Variants in CSMD1 observed in about 807,000 individuals in gnomAD.
CSMD1 encodes the protein CUB and sushi domain-containing protein 1.
In CSMD1, 213 loss-of-function variants were observed where a neutral mutation model predicts 417.5. The ratio of observed to expected loss-of-function variants is 0.51; its 90% CI spans 0.46 to 0.57. The LOEUF (loss-of-function observed/expected upper bound fraction) is 0.57, where lower values mean the gene tolerates loss of function less well. Ranked by LOEUF, CSMD1 falls within the 20% of genes least tolerant of loss-of-function variation. The probability of loss-of-function intolerance (pLI) is 0.00; values close to 1 mark genes in which losing one functional copy is unlikely to be tolerated. For missense variants in CSMD1, 6,923 were observed against 4,529.7 expected (o/e 1.53, Z -15.17); for synonymous variants, 2,862 against 1,736.8 (o/e 1.65, Z -16.11).
chr8:4,911,980 T>C (rs1470701269), intron 1 of CSMD1, among the ~76,000 whole-genome samples: 4 of 151,802 alleles, frequency 2.6e-5, no homozygotes, highest in Non-Finnish European at 4.4e-5. Context: ...TAATAATTTC[T>C]CCACAAGAAG....
intron 4 of CSMD1, among the ~76,000 whole-genome samples, chr8:4,030,920 G>C (rs562966594): frequency 2.0e-5 from 3 of 152,088 alleles, no homozygotes; most frequent in Admixed American, 6.5e-5. Flanking sequence ...CTAGGGCAGG[G>C]GCAAAATGCC....
chr8:4,165,003 C>A (rs572243891), intron 3 of CSMD1, among the ~76,000 whole-genome samples: 2 of 152,114 alleles, frequency 1.3e-5, no homozygotes, highest in African/African-American at 4.8e-5. Context: ...TTCCTATGTT[C>A]TTGTATGTTT....
intron 49 of CSMD1, among the ~76,000 whole-genome samples, chr8:3,053,852 A>G (rs1271694780): frequency 6.6e-6 from 1 of 152,218 alleles, no homozygotes; most frequent in Admixed American, 6.5e-5. Flanking sequence ...AACTAAATAA[A>G]GAGCCTTCTT....
chr8:4,184,534 A>C (rs959384728), intron 3 of CSMD1, among the ~76,000 whole-genome samples: 2 of 152,192 alleles, frequency 1.3e-5, no homozygotes, highest in African/African-American at 2.4e-5. Flanking sequence ...TGCAGCCATA[A>C]AAAAGGACAA....
At position 4,262,108 on chromosome 8, in the gene CSMD1, C is replaced by G. The variant is rs567249601; in HGVS notation, c.415+157845G>C. Among the ~76,000 whole-genome samples the G allele has an allele frequency of 4.1e-4, 63 of 152,258 alleles. No individual in the cohort carries two copies. In the South Asian group the frequency reaches 0.013, roughly 31 times the overall value. The stretch of plus-strand genomic sequence containing the variant: ...AAGTTAGTCACTATTACTGTTACTT[C>G]TCTTTCCTATAGAGAATTGTTAGAG... On this transcript the variant is annotated intron_variant, in intron 3 of 69. Coordinates refer to ENST00000635120, the MANE Select transcript of CSMD1 (RefSeq NM_033225.6).
chr8:4,302,865 G>C (rs1289493142), intron 3 of CSMD1, among the ~76,000 whole-genome samples: 1 of 152,056 alleles, frequency 6.6e-6, no homozygotes. Context: ...GGCAGGACCA[G>C]CAGTTTAAAT....
chr8:4,674,500 C>G (rs74522139), intron 1 of CSMD1, among the ~76,000 whole-genome samples: 1,582 of 152,214 alleles, frequency 0.01, 31 homozygotes, highest in African/African-American at 0.036. Context: ...AATGAGGGAA[C>G]AGTACGTACT....
intron 51 of CSMD1, among the ~76,000 whole-genome samples, chr8:3,022,679 TAAAA>T (rs35865350): frequency 6.6e-5 from 9 of 136,382 alleles, no homozygotes; most frequent in African/African-American, 2.1e-4. Flanking sequence ...ACATTCTAGC[TAAAA>T]AAAAAAAAAA....
intron 2 of CSMD1, among the ~76,000 whole-genome samples, chr8:4,431,364 T>C (rs1325527583): frequency 1.3e-5 from 2 of 152,096 alleles, no homozygotes; most frequent in Non-Finnish European, 2.9e-5. Flanking sequence ...AAACCAATAG[T>C]TGGGAGGAAT....
chr8:3,239,869 A>G (rs142524987), intron 26 of CSMD1, among the ~76,000 whole-genome samples: 13,379 of 151,944 alleles, frequency 0.088, 784 homozygotes, highest in Admixed American at 0.15. Flanking sequence ...TGTGGTATCC[A>G]GAATAATGTG....
At chr8:4,649,935 G>A (rs962683200) in intron 1 of CSMD1, among the ~76,000 whole-genome samples, 2 of 152,186 alleles carry the variant, frequency 1.3e-5, no homozygotes, top group African/African-American at 4.8e-5. Context: ...GTTGTGCACT[G>A]CACAACTCCA....
intron 26 of CSMD1, among the ~76,000 whole-genome samples, chr8:3,250,571 C>T (rs887393497): frequency 2.0e-5 from 3 of 152,116 alleles, no homozygotes; most frequent in Admixed American, 1.3e-4. Flanking sequence ...TGTGTATATA[C>T]CCAGTAATGG....
At chr8:4,105,875 A>G (rs1801542155) in intron 3 of CSMD1, among the ~76,000 whole-genome samples, 1 of 152,224 alleles carries the variant, frequency 6.6e-6, no homozygotes, top group African/African-American at 2.4e-5. Context: ...CAGAGCAGAC[A>G]GGACACAGCT....
At chr8:4,207,906 C>G (rs1402849428) in intron 3 of CSMD1, among the ~76,000 whole-genome samples, 2 of 152,028 alleles carry the variant, frequency 1.3e-5, no homozygotes, top group Non-Finnish European at 2.9e-5. Flanking sequence ...ACAAACATAA[C>G]TATATTTATA....
intron 1 of CSMD1, among the ~76,000 whole-genome samples, chr8:4,855,320 A>G (rs935746985): frequency 5.3e-5 from 8 of 152,124 alleles, no homozygotes; most frequent in African/African-American, 1.7e-4. Flanking sequence ...GGGAAAAAAC[A>G]GAACAGAAAA....
intron 1 of CSMD1, among the ~76,000 whole-genome samples, chr8:4,930,114 G>A (rs1247777999): frequency 1.3e-5 from 2 of 152,148 alleles, no homozygotes; most frequent in Non-Finnish European, 2.9e-5. Context: ...CTGTTTTTGT[G>A]TGACCTTACA....
At chr8:3,421,209 G>A (rs1387004667) in intron 12 of CSMD1, among the ~76,000 whole-genome samples, 1 of 152,154 alleles carries the variant, frequency 6.6e-6, no homozygotes, top group Admixed American at 6.5e-5. Flanking sequence ...CAAGTCTGGA[G>A]GAAAATGCAG....
chr8:4,469,076 C>G (rs1800363942), intron 2 of CSMD1, among the ~76,000 whole-genome samples: 1 of 152,166 alleles, frequency 6.6e-6, no homozygotes, highest in African/African-American at 2.4e-5. Flanking sequence ...ACAATTGTGT[C>G]TTACACAGAA....
intron 12 of CSMD1, among the ~76,000 whole-genome samples, chr8:3,447,030 G>T (rs1416180150): frequency 1.3e-5 from 2 of 152,272 alleles, no homozygotes; most frequent in African/African-American, 4.8e-5. Flanking sequence ...TCATTTTCAG[G>T]AAGACAGAAA....
Sources: allele counts gnomAD v4.1 joint callset (sites outside exome capture counted in the v4.1 genomes callset), GRCh38; gene constraint gnomAD v4.1.1; transcripts MANE v1.5; gene names NCBI Gene and HGNC (gene_info 2026-07-23, HGNC 2026-07-21).